DOCK4: variants seen among roughly 807,000 people sequenced by gnomAD.
DOCK4 encodes dedicator of cytokinesis protein 4.
Under a neutral mutation model 268.1 loss-of-function variants are expected in DOCK4, and 97 were observed. That is an observed-to-expected ratio of 0.36 (90% CI 0.31 to 0.43). The LOEUF (loss-of-function observed/expected upper bound fraction) is 0.43. DOCK4 is among the 20% of genes least tolerant of loss of function. DOCK4 has a pLI of 1.00. For missense variants in DOCK4, 2,145 were observed against 2,455.7 expected (o/e 0.87, Z 2.67); for synonymous variants, 954 against 887.2 (o/e 1.08, Z -1.34).
chr7:111,946,379 G>C (rs1795621550), intron 8 of DOCK4, among the ~76,000 whole-genome samples: 1 of 152,156 alleles, frequency 6.6e-6, no homozygotes, highest in Non-Finnish European at 1.5e-5. Flanking sequence ...GTGCCACCGG[G>C]AGCTGCGGTG....
intron 26 of DOCK4, among the ~76,000 whole-genome samples, chr7:111,826,066 G>C (rs118100578): frequency 0.012 from 1,821 of 152,300 alleles, 24 homozygotes; most frequent in African/African-American, 0.035. Context: ...ATAGTAAGTA[G>C]GTTAAATGTG....
intron 39 of DOCK4, 41 bp from the exon 40 acceptor site, chr7:111,760,363 G>A (rs1201272385): frequency 6.3e-7 from 1 of 1,593,078 alleles, no homozygotes; most frequent in East Asian, 2.2e-5. Flanking sequence ...CTATATAACT[G>A]AGTGGATTAC....
At chr7:111,975,730 A>G (rs1240228843) in intron 8 of DOCK4, among the ~76,000 whole-genome samples, 1 of 152,210 alleles carries the variant, frequency 6.6e-6, no homozygotes, top group African/African-American at 2.4e-5. Context: ...TACACTTACT[A>G]GTAGATAACG....
In DOCK4 at chr7:111,998,431, T is replaced by C; in HGVS notation, c.218+17A>G. 1.3e-6 allele frequency: 2 copies of C among 1,551,840 alleles called. No homozygotes were observed. The highest frequency in any genetic ancestry group is 1.7e-6 in the Non-Finnish European group (2 of 1,144,564). On this transcript the variant is annotated intron_variant, in intron 4 of 52. Transcript: ENST00000428084. ...TCTGTGAAAATCCTCCAACTACTAA[T>C]AAAACTCATTTCTTACCCTTTGTTC...
At chr7:111,762,604 TG>T (rs1797480815) in intron 39 of DOCK4, among the ~76,000 whole-genome samples, 1 of 152,058 alleles carries the variant, frequency 6.6e-6, no homozygotes, top group South Asian at 2.1e-4. Context: ...AATAGATATT[TG>T]GGCAGTTTCT....
At position 111,783,896 on chromosome 7, in the gene DOCK4, G is replaced by C; in HGVS notation, c.3485C>G (p.Ala1162Gly). 1 of 1,605,650 alleles carries C rather than the reference G, an allele frequency of 6.2e-7. No homozygotes were observed. The highest frequency in any genetic ancestry group is 8.5e-7 in the Non-Finnish European group (1 of 1,175,756). ...TWRESGVSLI[A>G]TVTRLMERLL... ...CCTCTCCATTAGACGAGTTACAGTA[G>C]CAATTAATGAAACGCCACTTTCCCG... The change falls in exon 34 of 53, where the codon GCT becomes GGT. Residue 1162 changes from alanine to glycine, a missense_variant. Transcript: ENST00000428084.
At chr7:112,026,044 C>T (rs1229801413) in intron 1 of DOCK4, among the ~76,000 whole-genome samples, 3 of 152,188 alleles carry the variant, frequency 2.0e-5, no homozygotes, top group African/African-American at 7.2e-5. Context: ...ACTTTGAGTT[C>T]CCACAACTCT....
chr7:111,974,059 G>GA (rs1022482535), intron 8 of DOCK4, among the ~76,000 whole-genome samples: 2 of 151,852 alleles, frequency 1.3e-5, no homozygotes, highest in African/African-American at 4.8e-5. Context: ...CAAGATGAAA[G>GA]AAAAAAATAG....
rs138207819 is a variant in DOCK4 at position 112,044,309 on chromosome 7, A to C, written c.38-40178T>G. ...TAAAACACTGCGTGCTGGACTGGAA[A>C]TAGTAGAAGACAAGGAATCAAATGA... On this transcript the variant is annotated intron_variant, in intron 1 of 52. Coordinates refer to ENST00000428084, the MANE Select transcript of DOCK4 (RefSeq NM_001363540.2). Among the ~76,000 whole-genome samples, 1,011 of 152,310 alleles carry C rather than the reference A, an allele frequency of 6.6e-3. 10 individuals carry two copies. The highest frequency in any genetic ancestry group is 0.023 in the African/African-American group (943 of 41,568).
At chr7:112,007,012 T>C (rs1800917888) in intron 1 of DOCK4, among the ~76,000 whole-genome samples, 1 of 152,218 alleles carries the variant, frequency 6.6e-6, no homozygotes, top group South Asian at 2.1e-4. Flanking sequence ...GGTTGCCTTC[T>C]TCACTCCTAC....
At chr7:112,144,166 C>G (rs1815207117) in intron 1 of DOCK4, among the ~76,000 whole-genome samples, 1 of 152,176 alleles carries the variant, frequency 6.6e-6, no homozygotes, top group Non-Finnish European at 1.5e-5. Context: ...TCACCTTCCT[C>G]TAGTGACAGT....
chr7:111,757,985 TCCCATTCTGG>T (rs907282399), intron 41 of DOCK4, among the ~76,000 whole-genome samples: 12 of 152,292 alleles, frequency 7.9e-5, no homozygotes, highest in Admixed American at 7.8e-4. Flanking sequence ...AGAAACCTTG[TCCCATTCTGG>T]CTGAGGGTGC....
intron 35 of DOCK4, 96 bp from the exon 36 acceptor site, chr7:111,778,465 G>A: frequency 1.5e-6 from 1 of 653,164 alleles, no homozygotes; most frequent in Non-Finnish European, 2.5e-6. Flanking sequence ...CTGGAGCCAA[G>A]AGAACGGATT....
intron 42 of DOCK4, among the ~76,000 whole-genome samples, chr7:111,755,001 G>C (rs1796924952): frequency 6.6e-6 from 1 of 152,216 alleles, no homozygotes; most frequent in Non-Finnish European, 1.5e-5. Context: ...TGCTAGAAGA[G>C]AGTAATATAA....
chr7:111,773,953 G>C (rs953088952), intron 36 of DOCK4, among the ~76,000 whole-genome samples: 2 of 151,888 alleles, frequency 1.3e-5, no homozygotes, highest in African/African-American at 4.8e-5. Context: ...GGAGGCAGAG[G>C]CTGCAGTGAG....
chr7:111,927,474 G>T (rs184464351), intron 12 of DOCK4, among the ~76,000 whole-genome samples: 357 of 152,274 alleles, frequency 2.3e-3, no homozygotes, highest in Non-Finnish European at 3.8e-3. Flanking sequence ...CTGGAGAGGG[G>T]CTTCTCCACA....
intron 2 of DOCK4, among the ~76,000 whole-genome samples, 156 bp downstream of exon 2, chr7:112,003,892 C>T (rs1800639462): frequency 1.3e-5 from 2 of 152,182 alleles, no homozygotes. Context: ...TGATGCCTTT[C>T]CATTAGCCAA....
intron 1 of DOCK4, among the ~76,000 whole-genome samples, chr7:112,131,585 G>A (rs1813803591): frequency 6.6e-6 from 1 of 152,108 alleles, no homozygotes; most frequent in South Asian, 2.1e-4. Flanking sequence ...TAGAGTGAAT[G>A]TATGCATGCA....
At chr7:111,984,672 G>A (rs1288816851) in intron 6 of DOCK4, among the ~76,000 whole-genome samples, 1 of 152,200 alleles carries the variant, frequency 6.6e-6, no homozygotes, top group Non-Finnish European at 1.5e-5. Context: ...GCACCACATG[G>A]TGTGGAGCCT....
Sources: gnomAD v4.1 joint callset for allele counts (sites outside exome capture counted in the v4.1 genomes callset) on GRCh38, gnomAD v4.1.1 for gene constraint, MANE v1.5 for transcripts, NCBI Gene and HGNC (gene_info 2026-07-23, HGNC 2026-07-21) for gene names.